The following MAPK10 variants were observed in gnomAD, a reference collection of about 807,000 sequenced individuals.
MAPK10 encodes JNK3 alpha protein kinase.
In MAPK10, 25 loss-of-function variants were observed where a neutral mutation model predicts 59.3. The ratio of observed to expected loss-of-function variants is 0.42; its 90% CI spans 0.31 to 0.59. MAPK10 has a LOEUF of 0.59. Ranked by LOEUF, MAPK10 falls within the 20% of genes least tolerant of loss-of-function variation. The probability of loss-of-function intolerance (pLI) is 0.15; values close to 1 mark genes in which losing one functional copy is unlikely to be tolerated. For synonymous variants in MAPK10, 190 were observed against 200.5 expected (o/e 0.95, Z 0.44); for missense variants, 351 against 568.9 (o/e 0.62, Z 3.90).
At chr4:86,185,083 T>C (rs2077863458) in intron 3 of MAPK10, among the ~76,000 whole-genome samples, 1 of 152,146 alleles carries the variant, frequency 6.6e-6, no homozygotes, top group African/African-American at 2.4e-5. Context: ...AGATTTTAAG[T>C]TACCAACTTG....
At chr4:86,295,753 T>TTATA (rs59281488) in intron 2 of MAPK10, among the ~76,000 whole-genome samples, 19 of 143,128 alleles carry the variant, frequency 1.3e-4, no homozygotes, top group Middle Eastern at 3.7e-3. Flanking sequence ...TATATATATT[T>TTATA]TATATATATA....
chr4:86,541,947 GCACACACACACACACACA>G (rs10555824), intron 1 of MAPK10, among the ~76,000 whole-genome samples: 16 of 140,474 alleles, frequency 1.1e-4, no homozygotes, highest in Middle Eastern at 3.6e-3. Flanking sequence ...GAATACACCG[GCACACACACACACACACA>G]CACACACACA....
At chr4:86,347,207 T>C (rs1020575269) in intron 2 of MAPK10, among the ~76,000 whole-genome samples, 13 of 152,194 alleles carry the variant, frequency 8.5e-5, no homozygotes, top group Non-Finnish European at 1.6e-4. Flanking sequence ...AACTATACAC[T>C]AAATTTTTCA....
intron 2 of MAPK10, among the ~76,000 whole-genome samples, chr4:86,311,223 G>A (rs1387531380): frequency 2.0e-5 from 3 of 152,014 alleles, no homozygotes; most frequent in African/African-American, 7.2e-5. Flanking sequence ...TAATAAGGAA[G>A]CTTAAAAGAT....
At chr4:86,279,539 T>C (rs2094714930) in intron 2 of MAPK10, among the ~76,000 whole-genome samples, 1 of 152,224 alleles carries the variant, frequency 6.6e-6, no homozygotes, top group Non-Finnish European at 1.5e-5. Context: ...AAGCATATGG[T>C]AGAGCAGTGT....
chr4:86,256,598 T>C (rs960542596), intron 2 of MAPK10, among the ~76,000 whole-genome samples: 4 of 151,882 alleles, frequency 2.6e-5, no homozygotes, highest in Non-Finnish European at 4.4e-5. Flanking sequence ...TCTGAGCAAA[T>C]AGCCACATTA....
intron 5 of MAPK10, among the ~76,000 whole-genome samples, chr4:86,104,511 G>A (rs142812393): frequency 3.9e-5 from 6 of 152,136 alleles, no homozygotes; most frequent in South Asian, 2.1e-4. Context: ...TCTACAGTGG[G>A]TCTGTTTCTC....
chr4:86,398,486 A>G (rs1350805752), intron 1 of MAPK10, among the ~76,000 whole-genome samples: 1 of 152,186 alleles, frequency 6.6e-6, no homozygotes, highest in African/African-American at 2.4e-5. Context: ...AAACCCAAAT[A>G]TTATGTCTGC....
At chr4:86,373,464 G>C (rs1216605889) in intron 1 of MAPK10, among the ~76,000 whole-genome samples, 2 of 152,144 alleles carry the variant, frequency 1.3e-5, no homozygotes, top group African/African-American at 4.8e-5. Context: ...TCATCAGAGT[G>C]AACAGGCAAC....
At chr4:86,525,569 T>A (rs1757420383) in intron 1 of MAPK10, among the ~76,000 whole-genome samples, 1 of 152,156 alleles carries the variant, frequency 6.6e-6, no homozygotes, top group African/African-American at 2.4e-5. Context: ...TCCCTCACTG[T>A]ACAAAGTAGA....
At chr4:86,124,924 A>AATCTATT (rs2059828129) in intron 4 of MAPK10, 1 of 151,986 alleles carries the variant, frequency 6.6e-6, no homozygotes, top group Non-Finnish European at 1.5e-5. Context: ...TCTATTTGGC[A>AATCTATT]AGTGTGGTAT....
chr4:86,255,001 G>T (rs35826931), intron 2 of MAPK10, among the ~76,000 whole-genome samples: 12,768 of 152,008 alleles, frequency 0.084, 1,182 homozygotes, highest in African/African-American at 0.23. Flanking sequence ...CATCACCAAG[G>T]TAACTAATCT....
chr4:86,096,357 T>A (rs1376419656), intron 9 of MAPK10, among the ~76,000 whole-genome samples: 1 of 151,962 alleles, frequency 6.6e-6, no homozygotes, highest in East Asian at 1.9e-4. Flanking sequence ...GCTTTGTTTT[T>A]TTGTTTGTTT....
intron 4 of MAPK10, among the ~76,000 whole-genome samples, chr4:86,154,942 T>A (rs767956986): frequency 1.1e-4 from 17 of 152,086 alleles, no homozygotes; most frequent in Non-Finnish European, 1.8e-4. Flanking sequence ...TACCTTTCTG[T>A]CATGCACCCT....
chr4:86,366,236 T>C (rs973674146), intron 1 of MAPK10, among the ~76,000 whole-genome samples: 2 of 152,072 alleles, frequency 1.3e-5, no homozygotes, highest in Non-Finnish European at 2.9e-5. Flanking sequence ...TTGTCTGTGA[T>C]AGGAGGAGGC....
chr4:86,548,598 C>T (rs1466814944), intron 1 of MAPK10, among the ~76,000 whole-genome samples: 3 of 152,134 alleles, frequency 2.0e-5, no homozygotes, highest in African/African-American at 7.2e-5. Flanking sequence ...GATAGGTTCC[C>T]CTTTGCCTTC....
intron 5 of MAPK10, among the ~76,000 whole-genome samples, chr4:86,104,459 A>C (rs893635445): frequency 3.7e-4 from 57 of 152,234 alleles, no homozygotes; most frequent in Non-Finnish European, 7.9e-4. Context: ...AGTGCTAGTG[A>C]GTGTTGAAAA....
At chr4:86,507,999 T>A (rs1755933596) in intron 1 of MAPK10, among the ~76,000 whole-genome samples, 1 of 152,064 alleles carries the variant, frequency 6.6e-6, no homozygotes, top group South Asian at 2.1e-4. Flanking sequence ...CCCTTGGTAT[T>A]GATCTCTGTA....
chr4:86,255,099 A>C (rs2093648504), intron 2 of MAPK10, among the ~76,000 whole-genome samples: 1 of 151,988 alleles, frequency 6.6e-6, no homozygotes, highest in African/African-American at 2.4e-5. Flanking sequence ...AGAAAAAAAG[A>C]AAAAAAAGAA....
Sources: gnomAD v4.1 joint callset for allele counts (sites outside exome capture counted in the v4.1 genomes callset) on GRCh38, gnomAD v4.1.1 for gene constraint, MANE v1.5 for transcripts, NCBI Gene and HGNC (gene_info 2026-07-23, HGNC 2026-07-21) for gene names.